Variants in BCHE observed in about 807,000 individuals in gnomAD.
The protein encoded by BCHE is cholinesterase.
In BCHE, 48 loss-of-function variants were observed where a neutral mutation model predicts 51.3. The ratio of observed to expected loss-of-function variants is 0.94; its 90% CI spans 0.74 to 1.19. The LOEUF (loss-of-function observed/expected upper bound fraction) is 1.19. BCHE is among the 50% of genes most tolerant of loss of function. The pLI is 0.00. For missense variants in BCHE, 847 were observed against 708.2 expected, an observed-to-expected ratio of 1.20 and a Z score of -2.23; for synonymous variants, 251 against 238.0, an observed-to-expected ratio of 1.05 and a Z score of -0.50.
chr3:165,797,023 C>T (rs1374017183), intron 2 of BCHE, among the ~76,000 whole-genome samples: 1 of 152,028 alleles, frequency 6.6e-6, no homozygotes, highest in Non-Finnish European at 1.5e-5. Flanking sequence ...AGATACGAGG[C>T]AATGTTTAGC....
At chr3:165,826,814 T>C (rs1254174638) in intron 2 of BCHE, among the ~76,000 whole-genome samples, 1 of 151,858 alleles carries the variant, frequency 6.6e-6, no homozygotes, top group African/African-American at 2.4e-5. Flanking sequence ...ACTAGAAGAG[T>C]TTCTCAACCT....
At chr3:165,806,584 GA>G (rs113230038) in intron 2 of BCHE, among the ~76,000 whole-genome samples, 3,450 of 152,152 alleles carry the variant, frequency 0.023, 76 homozygotes, top group African/African-American at 0.055. Flanking sequence ...AAATATTTGT[GA>G]AGTGATTATA....
At chr3:165,786,670 A>C (rs1342638025) in intron 2 of BCHE, among the ~76,000 whole-genome samples, 1 of 151,762 alleles carries the variant, frequency 6.6e-6, no homozygotes, top group Non-Finnish European at 1.5e-5. Flanking sequence ...TCCTAGGCCC[A>C]AAAATTTCAC....
Position 165,829,897 on chromosome 3 carries a change from C to G in BCHE, c.1137G>C (p.Gln379His). The G allele has an allele frequency of 6.2e-7, 1 of 1,611,028 alleles. No homozygotes were observed. Among genetic ancestry groups the G allele is most frequent in the Non-Finnish European group, 8.5e-7 (1 of 1,179,240 alleles). ...CTGGAAAAAATATTTTTAAACCTTC[C>G]TGAAATTCTTTTCTAGTTATGATAC... ...NNSIITRKEF[Q>H]EGLKIFFPGV... Residue 379 changes from glutamine (Q) to histidine (H), a missense_variant, in exon 2 of 4, where the codon CAG (glutamine) becomes CAC (histidine). By Grantham distance (24) the Gln-to-His change is conservative. Coordinates refer to ENST00000264381, the MANE Select transcript of BCHE (RefSeq NM_000055.4).
chr3:165,788,847 T>G (rs1292708228), intron 2 of BCHE, among the ~76,000 whole-genome samples: 1 of 152,142 alleles, frequency 6.6e-6, no homozygotes, highest in Non-Finnish European at 1.5e-5. Flanking sequence ...ATAATAAGAT[T>G]CCTTTGCCTA....
intron 2 of BCHE, among the ~76,000 whole-genome samples, chr3:165,819,990 C>A (rs1001604571): frequency 6.6e-6 from 1 of 151,566 alleles, no homozygotes; most frequent in African/African-American, 2.4e-5. Flanking sequence ...GAATGTTATA[C>A]TTTTTCCAAC....
intron 3 of BCHE, among the ~76,000 whole-genome samples, chr3:165,780,181 T>C (rs1712637247): frequency 6.6e-6 from 1 of 152,176 alleles, no homozygotes; most frequent in Non-Finnish European, 1.5e-5. Flanking sequence ...ATCTAATAAA[T>C]GGTGCTGGGA....
intron 2 of BCHE, among the ~76,000 whole-genome samples, chr3:165,797,319 TC>T (rs1713453207): frequency 5.3e-5 from 4 of 76,048 alleles, no homozygotes; most frequent in African/African-American, 1.0e-4. Flanking sequence ...CTTCCTTCCT[TC>T]CTTCCTTCCT....
At chr3:165,806,086 A>T (rs1713854590) in intron 2 of BCHE, among the ~76,000 whole-genome samples, 2 of 152,034 alleles carry the variant, frequency 1.3e-5, no homozygotes, top group African/African-American at 2.4e-5. Context: ...TCTCTTCTGC[A>T]CACAAAATGA....
chr3:165,803,374 C>G (rs1434533855), intron 2 of BCHE, among the ~76,000 whole-genome samples: 1 of 152,102 alleles, frequency 6.6e-6, no homozygotes, highest in Non-Finnish European at 1.5e-5. Context: ...GAGTTTCTAA[C>G]TCATTCTATT....
chr3:165,813,303 C>A (rs144820174), intron 2 of BCHE, among the ~76,000 whole-genome samples: 286 of 151,590 alleles, frequency 1.9e-3, no homozygotes, highest in African/African-American at 6.7e-3. Flanking sequence ...ATTAGGTTTA[C>A]TATTTTATAA....
At position 165,830,494 on chromosome 3, in the gene BCHE, TCCTAGGGCACCCAC is replaced by T. The variant is rs1262126652; in HGVS notation, c.526_539del (p.Val176IlefsTer9). ...CAGGATTTCCTGGCAAAGCTAAGAATCCTAGGGCACCCACCCTATAGTTCATTGACACTACAATA... is the reference window on the plus strand; with the variant it reads ...CAGGATTTCCTGGCAAAGCTAAGAATCCTATAGTTCATTGACACTACAATA... On this transcript the variant is annotated frameshift_variant, in exon 2 of 4. Coordinates refer to ENST00000264381, the MANE Select transcript of BCHE (RefSeq NM_000055.4). LOFTEE classifies it high-confidence loss of function. 2 of 1,613,816 alleles carry T rather than the reference TCCTAGGGCACCCAC, an allele frequency of 1.2e-6. No homozygotes were observed. The highest frequency in any genetic ancestry group is 2.2e-5 in the South Asian group (2 of 91,084).
intron 3 of BCHE, among the ~76,000 whole-genome samples, chr3:165,774,862 A>T (rs992872938): frequency 6.6e-6 from 1 of 152,170 alleles, no homozygotes; most frequent in Non-Finnish European, 1.5e-5. Context: ...TGAAATTCTG[A>T]TTTATTTGGA....
At chr3:165,811,171 C>A (rs553278894) in intron 2 of BCHE, among the ~76,000 whole-genome samples, 1 of 152,104 alleles carries the variant, frequency 6.6e-6, no homozygotes, top group African/African-American at 2.4e-5. Context: ...CTATCTTGCT[C>A]AGAAGTGAAA....
At chr3:165,823,052 C>T (rs1714587596) in intron 2 of BCHE, among the ~76,000 whole-genome samples, 1 of 151,982 alleles carries the variant, frequency 6.6e-6, no homozygotes, top group African/African-American at 2.4e-5. Flanking sequence ...AAGTTCATTT[C>T]TACAGGTAGC....
intron 1 of BCHE, among the ~76,000 whole-genome samples, chr3:165,835,149 T>C (rs1053249133): frequency 4.0e-5 from 6 of 151,452 alleles, no homozygotes; most frequent in Admixed American, 2.0e-4. Context: ...TTTTTGAAAA[T>C]GCTAAACTGT....
intron 2 of BCHE, among the ~76,000 whole-genome samples, chr3:165,797,372 C>G (rs1409560035): frequency 9.2e-6 from 1 of 109,018 alleles, no homozygotes; most frequent in East Asian, 2.6e-4. Context: ...TTCCTTCCTT[C>G]CTTTATTCTT....
intron 2 of BCHE, among the ~76,000 whole-genome samples, chr3:165,802,081 C>T (rs1199396011): frequency 6.6e-6 from 1 of 152,190 alleles, no homozygotes; most frequent in African/African-American, 2.4e-5. Context: ...TGGCACATTA[C>T]ACTCTGAGGT....
intron 2 of BCHE, among the ~76,000 whole-genome samples, chr3:165,788,274 C>T (rs1162073515): frequency 6.6e-6 from 1 of 152,006 alleles, no homozygotes; most frequent in African/African-American, 2.4e-5. Flanking sequence ...ATCATAGATG[C>T]AGACATGTTC....
Sources: allele counts gnomAD v4.1 joint callset (sites outside exome capture counted in the v4.1 genomes callset), GRCh38; gene constraint gnomAD v4.1.1; transcripts MANE v1.5; gene names NCBI Gene and HGNC (gene_info 2026-07-23, HGNC 2026-07-21).